The following KCNT1 variants were observed in gnomAD, a reference collection of about 807,000 sequenced individuals.
KCNT1 encodes potassium sodium-activated channel subfamily T member 1.
Under a neutral mutation model 147.8 loss-of-function variants are expected in KCNT1, and 78 were observed. The ratio of observed to expected loss-of-function variants is 0.53; its 90% CI spans 0.44 to 0.64. KCNT1 has a LOEUF of 0.64. Ranked by LOEUF, KCNT1 falls within the 30% of genes least tolerant of loss-of-function variation. The probability of loss-of-function intolerance (pLI) is 0.00; values close to 1 mark genes in which losing one functional copy is unlikely to be tolerated. For missense variants in KCNT1, 1,419 were observed against 1,750.3 expected (o/e 0.81, Z 3.38); for synonymous variants, 867 against 748.8 (o/e 1.16, Z -2.58).
intron 19 of KCNT1, among the ~76,000 whole-genome samples, chr9:135,774,508 A>G (rs904554911): frequency 3.9e-5 from 5 of 128,508 alleles, no homozygotes; most frequent in Non-Finnish European, 6.4e-5. Context: ...TGTGTTGCAT[A>G]TGTTGTGTGT....
chr9:135,791,438 G>A (rs73557250), intron 29 of KCNT1: 4,617 of 283,914 alleles, frequency 0.016, 130 homozygotes, highest in African/African-American at 0.074. Context: ...GAACAGACAC[G>A]TCCCGGTGTC....
At chr9:135,782,119 G>A (rs989776717) in intron 24 of KCNT1, among the ~76,000 whole-genome samples, 2 of 152,196 alleles carry the variant, frequency 1.3e-5, no homozygotes, top group African/African-American at 2.4e-5. Flanking sequence ...CAGGAGAATT[G>A]TTTGAACCCG....
chr9:135,751,067 G>A (rs770001426), intron 4 of KCNT1, 26 bp downstream of exon 4: 16 of 1,590,572 alleles, frequency 1.0e-5, no homozygotes, highest in Admixed American at 6.7e-5. Context: ...GGCCGGGCGC[G>A]GGGTCCCGGG....
chr9:135,747,388 G>C (rs553206465), intron 2 of KCNT1, among the ~76,000 whole-genome samples: 1 of 152,186 alleles, frequency 6.6e-6, no homozygotes. Flanking sequence ...TTTAGGGCCC[G>C]GTGGTCCCTG....
At chr9:135,715,136 GATTA>G (rs1564315079) in intron 2 of KCNT1, among the ~76,000 whole-genome samples, 1 of 152,334 alleles carries the variant, frequency 6.6e-6, no homozygotes, top group East Asian at 1.9e-4. Flanking sequence ...AGCGGTCCTT[GATTA>G]ATTATTCAAT....
intron 24 of KCNT1, among the ~76,000 whole-genome samples, chr9:135,781,144 G>A (rs1462784276): frequency 1.3e-5 from 2 of 152,200 alleles, no homozygotes; most frequent in Non-Finnish European, 2.9e-5. Context: ...CCATCTCAGA[G>A]CAGTGAACAG....
At chr9:135,791,551 G>T (rs1834527589) in intron 29 of KCNT1, 1 of 517,822 alleles carries the variant, frequency 1.9e-6, no homozygotes. Flanking sequence ...AGCACCAGAG[G>T]TGGGTGCGGG....
intron 14 of KCNT1, 54 bp from the exon 15 acceptor site, chr9:135,768,775 C>T (rs1832508430): frequency 1.9e-6 from 3 of 1,563,492 alleles, no homozygotes; most frequent in East Asian, 2.3e-5. Flanking sequence ...CGGTGCCGCC[C>T]AGCAGCCCAC....
chr9:135,767,628 C>T (rs933533662), intron 13 of KCNT1, among the ~76,000 whole-genome samples: 3 of 152,146 alleles, frequency 2.0e-5, no homozygotes, highest in Non-Finnish European at 4.4e-5. Flanking sequence ...ATGGGTACCC[C>T]GGAAGCCAGT....
At chr9:135,761,477 C>T (rs1236487277) in intron 11 of KCNT1, among the ~76,000 whole-genome samples, 3 of 152,264 alleles carry the variant, frequency 2.0e-5, no homozygotes, top group Non-Finnish European at 2.9e-5. Flanking sequence ...CACTGCCTCC[C>T]TCCTCGGCCC....
At chr9:135,738,129 C>T (rs1292207150) in intron 2 of KCNT1, among the ~76,000 whole-genome samples, 3 of 152,194 alleles carry the variant, frequency 2.0e-5, no homozygotes, top group African/African-American at 4.8e-5. Context: ...CGTCTGAGCC[C>T]GCAGTGCAGT....
At chr9:135,731,598 T>C (rs926494467) in intron 2 of KCNT1, among the ~76,000 whole-genome samples, 3 of 152,186 alleles carry the variant, frequency 2.0e-5, no homozygotes, top group Non-Finnish European at 2.9e-5. Flanking sequence ...TGCCGCGTTC[T>C]CTCACGTTCC....
At chr9:135,733,877 C>G (rs561629174) in intron 2 of KCNT1, among the ~76,000 whole-genome samples, 2 of 151,134 alleles carry the variant, frequency 1.3e-5, no homozygotes, top group Admixed American at 6.6e-5. Context: ...ATCCACCCCC[C>G]GCCTGCTCCT....
chr9:135,720,545 C>A (rs924514389), intron 2 of KCNT1, among the ~76,000 whole-genome samples: 1 of 151,976 alleles, frequency 6.6e-6, no homozygotes, highest in African/African-American at 2.4e-5. Context: ...CCCCCATCAT[C>A]CTGCCCCCAC....
chr9:135,781,034 C>T (rs555369197), intron 24 of KCNT1, among the ~76,000 whole-genome samples: 87 of 152,350 alleles, frequency 5.7e-4, no homozygotes, highest in African/African-American at 2.0e-3. Context: ...AGGCAGCCAT[C>T]GCCAATCACC....
intron 18 of KCNT1, among the ~76,000 whole-genome samples, chr9:135,771,335 G>T (rs1832750156): frequency 6.6e-6 from 1 of 152,218 alleles, no homozygotes; most frequent in Non-Finnish European, 1.5e-5. Flanking sequence ...CCAGGCCAAT[G>T]TGGCCCCCAG....
chr9:135,775,197 A>G (rs1438474462), intron 19 of KCNT1, 113 bp from the exon 20 acceptor site: 2 of 689,908 alleles, frequency 2.9e-6, no homozygotes, highest in Non-Finnish European at 4.8e-6. Flanking sequence ...ACCCCGAGCA[A>G]CGTGGCTGTG....
chr9:135,762,413 C>T (rs1831977626), intron 11 of KCNT1, among the ~76,000 whole-genome samples: 1 of 151,902 alleles, frequency 6.6e-6, no homozygotes, highest in Middle Eastern at 3.2e-3. Context: ...CCATCGCACT[C>T]TAGCCTATGC....
At position 135,794,947 on chromosome 9, in the gene KCNT1, T is replaced by G. The variant is rs1834732037; in HGVS notation, c.*2786T>G. On this transcript the variant is annotated 3_prime_UTR_variant, in exon 31 of 31. Transcript: ENST00000371757. ...AGGTCCCCCTGCAAAGTACACCAAG[T>G]GAAGTAGGATCTGAGCAAAGGTTGA... is the stretch of plus-strand genomic sequence containing the variant. The G allele has an allele frequency of 6.6e-6, 1 of 152,042 alleles. No homozygotes were observed. The allele number at this position is 152,042 out of a possible 1,614,324, so 9.4% of individuals were successfully genotyped here. A position where few individuals can be genotyped will look rare whatever the true frequency, so the allele number is the denominator to read the frequency against.
Sources: allele counts gnomAD v4.1 joint callset (sites outside exome capture counted in the v4.1 genomes callset), GRCh38; gene constraint gnomAD v4.1.1; transcripts MANE v1.5; gene names NCBI Gene and HGNC (gene_info 2026-07-23, HGNC 2026-07-21).